PITPNC1: variants seen among roughly 807,000 people sequenced by gnomAD.
The protein encoded by PITPNC1 is cytoplasmic phosphatidylinositol transfer protein 1.
PITPNC1 carries 18 observed loss-of-function variants against 44.7 expected under a neutral mutation model. That is an observed-to-expected ratio of 0.40 (90% CI 0.28 to 0.60). PITPNC1 has a LOEUF of 0.60. Ranked by LOEUF, PITPNC1 falls within the 20% of genes least tolerant of loss-of-function variation. PITPNC1 has a pLI of 0.39. For synonymous variants in PITPNC1, 141 were observed against 149.6 expected (o/e 0.94, Z 0.42); for missense variants, 290 against 418.4 (o/e 0.69, Z 2.68).
intron 1 of PITPNC1, among the ~76,000 whole-genome samples, chr17:67,443,722 C>T (rs1226282206): frequency 2.0e-5 from 3 of 148,186 alleles, no homozygotes; most frequent in African/African-American, 5.0e-5. Context: ...GCAACCTCTG[C>T]CCCCAGGGTT....
chr17:67,603,828 G>C (rs1309439040), intron 5 of PITPNC1, among the ~76,000 whole-genome samples: 1 of 152,036 alleles, frequency 6.6e-6, no homozygotes, highest in African/African-American at 2.4e-5. Flanking sequence ...TGCTTGGGAG[G>C]CTGAGGCAGG....
intron 1 of PITPNC1, among the ~76,000 whole-genome samples, chr17:67,431,364 C>T (rs1164449852): frequency 2.6e-5 from 4 of 152,008 alleles, no homozygotes; most frequent in Non-Finnish European, 5.9e-5. Flanking sequence ...GGCCTCATGT[C>T]TTGTCTTACC....
intron 6 of PITPNC1, among the ~76,000 whole-genome samples, chr17:67,645,295 C>T (rs551156208): frequency 4.5e-4 from 68 of 149,518 alleles, no homozygotes; most frequent in Non-Finnish European, 7.7e-4. Context: ...GAGCCAAGAT[C>T]GCGCCATTGC....
rs144632033 is a variant in PITPNC1 at position 67,476,586 on chromosome 17, T to C, written c.49-56216T>C. On this transcript the variant is annotated intron_variant, in intron 1 of 8. Coordinates refer to ENST00000581322, the MANE Select transcript of PITPNC1 (RefSeq NM_012417.4). ...ACTCTGGATGCATATAAGAATCACC[T>C]GGGAAACAAAAAAAAATCTTAGTGG... Among the ~76,000 whole-genome samples, 17 of 152,108 alleles carry C rather than the reference T, an allele frequency of 1.1e-4. 1 individual carries two copies. In the East Asian group the frequency reaches 3.3e-3, roughly 29 times the overall value.
At position 67,562,518 on chromosome 17, in the gene PITPNC1, C is replaced by T. The variant is rs76773345; in HGVS notation, c.294+8901C>T. On this transcript the variant is annotated intron_variant, in intron 4 of 8. Coordinates refer to ENST00000581322, the MANE Select transcript of PITPNC1 (RefSeq NM_012417.4). ...TACATGCAATTCCTTTTCTTCCTTT[C>T]CTCTTTCCTTGAAAAGTCTACTTTT... 2.4e-3 allele frequency among the ~76,000 whole-genome samples: 365 copies of T among 152,234 alleles called. 2 individuals carry two copies. Among genetic ancestry groups the T allele is most frequent in the African/African-American group, 7.5e-3 (313 of 41,526 alleles).
chr17:67,387,534 TG>T, intron 1 of PITPNC1, among the ~76,000 whole-genome samples: 1 of 152,088 alleles, frequency 6.6e-6, no homozygotes, highest in East Asian at 1.9e-4. Context: ...GGCATGGTGG[TG>T]GGCGCCTGTA....
rs562764105 is a variant in PITPNC1 at position 67,400,379 on chromosome 17, T to C, written c.48+22177T>C. Among the ~76,000 whole-genome samples the C allele has an allele frequency of 5.3e-5, 8 of 152,348 alleles. No individual in the cohort carries two copies. In the South Asian group the frequency reaches 1.7e-3, roughly 32 times the overall value. ...CTTGCTCGGGTGACAAGATTGCCAT[T>C]GGAAATAGGCCAAAATAACAGCCTA... is the stretch of plus-strand genomic sequence containing the variant. On this transcript the variant is annotated intron_variant, in intron 1 of 8. Coordinates refer to ENST00000581322, the MANE Select transcript of PITPNC1 (RefSeq NM_012417.4).
chr17:67,627,733 C>T (rs1040397761), intron 5 of PITPNC1, among the ~76,000 whole-genome samples: 3 of 152,188 alleles, frequency 2.0e-5, no homozygotes, highest in African/African-American at 7.2e-5. Context: ...AGCCTACAGA[C>T]TTGCCCTCCA....
chr17:67,679,152 A>G (rs1046240454), intron 8 of PITPNC1, among the ~76,000 whole-genome samples: 16 of 152,214 alleles, frequency 1.1e-4, no homozygotes, highest in Admixed American at 7.9e-4. Flanking sequence ...GGTTGTAAGG[A>G]CCGTTTAATT....
rs1002218937 is a variant in PITPNC1, at chr17:67,508,272, A to C, written c.49-24530A>C. Among the ~76,000 whole-genome samples the C allele has an allele frequency of 1.3e-5, 2 of 152,210 alleles. No homozygotes were observed. The highest frequency in any genetic ancestry group is 2.9e-5 in the Non-Finnish European group (2 of 68,026). ...TATTAAGAAAGTAGAGAATAAAAGA[A>C]TGGCTACTCCATAAACAGAGCAGCC... On this transcript the variant is annotated intron_variant, in intron 1 of 8. Transcript: ENST00000581322. The surrounding 1 kb of genome is among the most constrained non-coding windows in gnomAD (Gnocchi z 4.2).
At chr17:67,665,043 T>C (rs1171987645) in intron 6 of PITPNC1, among the ~76,000 whole-genome samples, 1 of 152,196 alleles carries the variant, frequency 6.6e-6, no homozygotes, top group Non-Finnish European at 1.5e-5. Context: ...TTGTGGCTAT[T>C]ATGAATTAGA....
In PITPNC1 at chr17:67,669,635, A is replaced by G. The variant is rs1337616779; in HGVS notation, c.590A>G (p.Gln197Arg). 2 of 1,600,792 alleles carry G rather than the reference A, an allele frequency of 1.2e-6. No homozygotes were observed. The highest frequency in any genetic ancestry group is 1.7e-6 in the Non-Finnish European group (2 of 1,173,514). Residue 197 changes from glutamine to arginine, a missense_variant, in exon 7 of 9, where the codon CAG becomes CGG. Coordinates refer to ENST00000581322, the MANE Select transcript of PITPNC1 (RefSeq NM_012417.4). ...GTGAAGTTTGAGGTCTGGGGGCTTC[A>G]GACCAGAGTGGAACAATTTGTACAC... is the stretch of plus-strand genomic sequence containing the variant. The part of the protein sequence containing the change: ...VTVKFEVWGL[Q>R]TRVEQFVHKV...
intron 6 of PITPNC1, among the ~76,000 whole-genome samples, chr17:67,648,323 T>C (rs1296088259): frequency 6.6e-6 from 1 of 152,196 alleles, no homozygotes; most frequent in Non-Finnish European, 1.5e-5. Flanking sequence ...TGCCTCCCCA[T>C]AGCCTTCGTC....
At chr17:67,428,912 C>T (rs565001441) in intron 1 of PITPNC1, among the ~76,000 whole-genome samples, 1 of 142,514 alleles carries the variant, frequency 7.0e-6, no homozygotes, top group Admixed American at 7.4e-5. Flanking sequence ...GTGATCTCGG[C>T]TCACTGCAAC....
chr17:67,402,523 C>T (rs2038333252), intron 1 of PITPNC1, among the ~76,000 whole-genome samples: 1 of 151,644 alleles, frequency 6.6e-6, no homozygotes, highest in South Asian at 2.1e-4. Context: ...CCGCCATTTC[C>T]TGACAAAGCT....
intron 1 of PITPNC1, among the ~76,000 whole-genome samples, chr17:67,452,516 G>GTTTT (rs576299890): frequency 7.1e-6 from 1 of 139,866 alleles, no homozygotes; most frequent in Non-Finnish European, 1.5e-5. Flanking sequence ...AATTGCTGGG[G>GTTTT]TTTTTTTTTT....
intron 1 of PITPNC1, among the ~76,000 whole-genome samples, chr17:67,431,162 G>A (rs184238485): frequency 2.7e-5 from 4 of 149,178 alleles, no homozygotes; most frequent in Admixed American, 6.8e-5. Flanking sequence ...GGGTTCAAGC[G>A]ATTCTCATGC....
At chr17:67,416,506 G>A (rs1274397861) in intron 1 of PITPNC1, among the ~76,000 whole-genome samples, 8 of 151,314 alleles carry the variant, frequency 5.3e-5, no homozygotes, top group Non-Finnish European at 1.2e-4. Flanking sequence ...GTGAGCCACC[G>A]TGTCCAGCCC....
At chr17:67,394,014 A>G (rs1219217606) in intron 1 of PITPNC1, among the ~76,000 whole-genome samples, 1 of 151,946 alleles carries the variant, frequency 6.6e-6, no homozygotes, top group African/African-American at 2.4e-5. Context: ...TAATTTTTGT[A>G]TTTTTCACAG....
Sources: allele counts gnomAD v4.1 joint callset (sites outside exome capture counted in the v4.1 genomes callset), GRCh38; gene constraint gnomAD v4.1.1; non-coding constraint Gnocchi (gnomAD v3.1); transcripts MANE v1.5; gene names NCBI Gene and HGNC (gene_info 2026-07-23, HGNC 2026-07-21).